Variants in PRKCZ observed in about 807,000 individuals in gnomAD.
The protein encoded by PRKCZ is protein kinase C zeta type.
PRKCZ carries 33 observed loss-of-function variants against 79.5 expected under a neutral mutation model. The ratio of observed to expected loss-of-function variants is 0.41; its 90% CI spans 0.31 to 0.55. The LOEUF (loss-of-function observed/expected upper bound fraction) is 0.55, where lower values mean the gene tolerates loss of function less well. Ranked by LOEUF, PRKCZ falls within the 20% of genes least tolerant of loss-of-function variation. PRKCZ has a pLI of 0.19. For synonymous variants in PRKCZ, 342 were observed against 320.9 expected (o/e 1.07, Z -0.70); for missense variants, 578 against 813.5 (o/e 0.71, Z 3.52).
At chr1:2,081,892 G>C (rs1299064076) in intron 4 of PRKCZ, among the ~76,000 whole-genome samples, 2 of 152,188 alleles carry the variant, frequency 1.3e-5, no homozygotes, top group Admixed American at 1.3e-4. Flanking sequence ...TTTGATGAGA[G>C]GTGACAAAGG....
chr1:2,085,899 G>T (rs530772394), intron 4 of PRKCZ, among the ~76,000 whole-genome samples: 2 of 152,176 alleles, frequency 1.3e-5, no homozygotes, highest in African/African-American at 4.8e-5. Flanking sequence ...CTGTGTTGAT[G>T]CAGAGAGGCA....
intron 4 of PRKCZ, among the ~76,000 whole-genome samples, chr1:2,107,806 C>T (rs1401252041): frequency 6.7e-6 from 1 of 150,342 alleles, no homozygotes; most frequent in Non-Finnish European, 1.5e-5. Flanking sequence ...AGGGCAGTGT[C>T]GGGAGCCCCC....
At position 2,115,623 on chromosome 1, in the gene PRKCZ, A is replaced by G. The variant is rs1571505502; in HGVS notation, c.335-19639A>G. On this transcript the variant is annotated intron_variant, in intron 4 of 17. Coordinates refer to ENST00000378567, the MANE Select transcript of PRKCZ (RefSeq NM_002744.6). ...AGCCAGCTGCAAGTGCCAGGTGACA[A>G]CCTGGATTCTGACCAACTGGCTGTG... Among the ~76,000 whole-genome samples the G allele has an allele frequency of 2.6e-5, 4 of 152,328 alleles. 1 individual carries two copies. The South Asian group carries it at 8.3e-4, about 32-fold the overall frequency.
chr1:2,135,230 G>A (rs371597605), intron 4 of PRKCZ, 32 bp from the exon 5 acceptor site: 8 of 1,585,630 alleles, frequency 5.0e-6, no homozygotes, highest in Non-Finnish European at 6.0e-6. Context: ...CTGCCACGCT[G>A]TTTCTTTACA....
rs553727436 is a variant in PRKCZ at position 2,185,187 on chromosome 1, C to T, written c.*178C>T. ...GCTGGGAGCAGAACAGTCCCTCACACCTGGGCCCGGGCAGGCCAGCTTCGT... is the reference window on the plus strand; with the variant it reads ...GCTGGGAGCAGAACAGTCCCTCACATCTGGGCCCGGGCAGGCCAGCTTCGT... On this transcript the variant is annotated 3_prime_UTR_variant, in exon 18 of 18. Coordinates refer to ENST00000378567, the MANE Select transcript of PRKCZ (RefSeq NM_002744.6). 1.4e-6 allele frequency: 1 copy of T among 718,560 alleles called. No individual in the cohort carries two copies. The highest frequency in any genetic ancestry group is 1.6e-5 in the South Asian group (1 of 64,416). The allele number at this position is 718,560 out of a possible 1,614,324, so 44.5% of individuals were successfully genotyped here. A position where few individuals can be genotyped will look rare whatever the true frequency, so the allele number is the denominator to read the frequency against.
At chr1:2,144,129 T>C in intron 5 of PRKCZ, 81 bp from the exon 6 acceptor site, 1 of 1,509,944 alleles carries the variant, frequency 6.6e-7, no homozygotes, top group Non-Finnish European at 8.9e-7. Context: ...TTTGAGAAGG[T>C]ATAGGTGTGG....
Position 2,144,337 on chromosome 1 carries a change from A to G in PRKCZ, c.548A>G (p.His183Arg). 1 of 1,571,818 alleles carries G rather than the reference A, an allele frequency of 6.4e-7. No individual in the cohort carries two copies. Among genetic ancestry groups the G allele is most frequent in the Non-Finnish European group, 8.6e-7 (1 of 1,158,082 alleles). ...HGLVPLTCRK[H>R]MDSVMPSQEP... Reference sequence around the variant, plus strand: ...CTCGTCCCGCTGACCTGCAGGAAGCATATGGTGAGTGGCAGGGCTGGGGAG... The same window carrying G: ...CTCGTCCCGCTGACCTGCAGGAAGCGTATGGTGAGTGGCAGGGCTGGGGAG... The change falls in exon 6 of 18, where the codon CAT (histidine) becomes CGT (arginine). Residue 183 changes from histidine (H) to arginine (R), a missense_variant. This residue lies in a region of PRKCZ where 91 missense variants were observed against 97.5 expected (regional missense o/e 0.93). Transcript: ENST00000378567.
At chr1:2,081,448 G>A (rs1353819466) in intron 4 of PRKCZ, among the ~76,000 whole-genome samples, 2 of 152,180 alleles carry the variant, frequency 1.3e-5, no homozygotes, top group African/African-American at 4.8e-5. Flanking sequence ...TGGGTCTCGG[G>A]CGAGTCTGGG....
intron 3 of PRKCZ, 98 bp from the exon 4 acceptor site, chr1:2,059,443 T>A: frequency 6.9e-7 from 1 of 1,446,756 alleles, no homozygotes; most frequent in East Asian, 2.4e-5. Context: ...TTGCGTGAAG[T>A]CCACGTGCTC....
At position 2,120,947 on chromosome 1, in the gene PRKCZ, G is replaced by A. The variant is rs552360142; in HGVS notation, c.335-14315G>A. On this transcript the variant is annotated intron_variant, in intron 4 of 17. Transcript: ENST00000378567. Reference sequence around the variant, plus strand: ...TCCTGCCCCAGCCTCCCAAGCAGCTGGGATTACAGGGTCACACTACCACGC... The same window carrying A: ...TCCTGCCCCAGCCTCCCAAGCAGCTAGGATTACAGGGTCACACTACCACGC... Among the ~76,000 whole-genome samples the A allele has an allele frequency of 2.0e-5, 3 of 151,360 alleles. No individual in the cohort carries two copies. In the East Asian group the frequency reaches 5.8e-4, roughly 29 times the overall value.
chr1:2,094,833 C>G lies in PRKCZ; in HGVS notation c.334+35242C>G, dbSNP rs926582204. Among the ~76,000 whole-genome samples, 3 of 152,214 alleles carry G rather than the reference C, an allele frequency of 2.0e-5. No individual in the cohort carries two copies. Among genetic ancestry groups the G allele is most frequent in the Non-Finnish European group, 4.4e-5 (3 of 68,040 alleles). On this transcript the variant is annotated intron_variant, in intron 4 of 17. Coordinates refer to ENST00000378567, the MANE Select transcript of PRKCZ (RefSeq NM_002744.6). The surrounding 1 kb of genome is among the most constrained non-coding windows in gnomAD (Gnocchi z 7.3). ...TGGCTTCTCTGCTGGCTCTTTTGGC[C>G]TTGGATTCATTTCTGGAGCTGCAGA...
intron 4 of PRKCZ, among the ~76,000 whole-genome samples, chr1:2,092,225 C>T (rs1027433521): frequency 6.6e-6 from 1 of 152,132 alleles, no homozygotes; most frequent in African/African-American, 2.4e-5. Context: ...TGTTTTCCTA[C>T]GGGAGGCGAA....
At chr1:2,100,487 G>A (rs572373840) in intron 4 of PRKCZ, among the ~76,000 whole-genome samples, 2 of 152,316 alleles carry the variant, frequency 1.3e-5, no homozygotes, top group South Asian at 2.1e-4. Flanking sequence ...CTCCCCGGAC[G>A]ATCTCCTCCA....
At chr1:2,157,449 G>A (rs1297285129) in intron 10 of PRKCZ, among the ~76,000 whole-genome samples, 2 of 151,304 alleles carry the variant, frequency 1.3e-5, no homozygotes, top group African/African-American at 2.4e-5. Context: ...ATGGAGTCTC[G>A]CTCTATCACC....
At position 2,174,795 on chromosome 1, in the gene PRKCZ, G is replaced by A. The variant is rs777446399; in HGVS notation, c.1447G>A (p.Val483Ile). Residue 483 changes from valine (V) to isoleucine (I), a missense_variant, in exon 15 of 18, where the codon GTC becomes ATC. Val to Ile is a conservative substitution (Grantham distance 29). This residue lies in a region of PRKCZ where 243 missense variants were observed against 467.0 expected (regional missense o/e 0.52). Transcript: ENST00000378567. The surrounding 1 kb of genome is among the most constrained non-coding windows in gnomAD (Gnocchi z 6.2). The part of the protein sequence containing the change: ...KPIRIPRFLS[V>I]KASHVLKGFL... ...CATCCGGATCCCCCGGTTCCTGTCC[G>A]TCAAAGCCTCCCATGTTTTAAAAGG... The A allele has an allele frequency of 1.1e-5, 17 of 1,614,026 alleles. No homozygotes were observed. The highest frequency in any genetic ancestry group is 2.7e-5 in the African/African-American group (2 of 74,934).
intron 9 of PRKCZ, among the ~76,000 whole-genome samples, chr1:2,151,552 G>GC (rs1339693848): frequency 7.2e-5 from 11 of 152,256 alleles, no homozygotes; most frequent in African/African-American, 2.7e-4. Flanking sequence ...CCTGCACAAG[G>GC]CCCCAGCTTT....
intron 9 of PRKCZ, among the ~76,000 whole-genome samples, chr1:2,153,773 T>A (rs1680372305): frequency 6.6e-6 from 1 of 152,258 alleles, no homozygotes; most frequent in Non-Finnish European, 1.5e-5. Context: ...TGTTCTGTCT[T>A]GAAATCATCC....
intron 4 of PRKCZ, chr1:2,104,965 G>T: frequency 1.0e-6 from 1 of 977,500 alleles, no homozygotes; most frequent in Non-Finnish European, 1.2e-6. Context: ...GGCGCGGCCG[G>T]CCTCACCCCG....
chr1:2,097,357 G>A (rs1461445119), intron 4 of PRKCZ, among the ~76,000 whole-genome samples: 1 of 152,200 alleles, frequency 6.6e-6, no homozygotes, highest in Non-Finnish European at 1.5e-5. Flanking sequence ...CAGGGTCTTT[G>A]GAAAAGTCCA....
Sources: allele counts gnomAD v4.1 joint callset (sites outside exome capture counted in the v4.1 genomes callset), GRCh38; gene constraint gnomAD v4.1.1; regional missense constraint gnomAD v4.1.1; non-coding constraint Gnocchi (gnomAD v3.1); transcripts MANE v1.5; gene names NCBI Gene and HGNC (gene_info 2026-07-23, HGNC 2026-07-21).